Variants in RTL1 observed in about 807,000 individuals in gnomAD.
The protein encoded by RTL1 is retrotransposon-like protein 1.
For missense variants in RTL1, 1,681 were observed against 1,767.5 expected, an observed-to-expected ratio of 0.95 and a Z score of 0.88; for synonymous variants, 727 against 748.4, an observed-to-expected ratio of 0.97 and a Z score of 0.47.
rs1013101517 is a variant in RTL1 at position 100,882,475 on chromosome 14, G to A, written c.2314C>T (p.Arg772Cys). 1.2e-5 allele frequency: 19 copies of A among 1,551,966 alleles called. No individual in the cohort carries two copies. The highest frequency in any genetic ancestry group is 2.0e-5 in the Admixed American group (1 of 50,998). Reference sequence around the variant, plus strand: ...AAGCCCAGGAATTCCACGGTTTGGCGGTGGAACTGGCTCTTGTCCAGGGAG... The same window carrying A: ...AAGCCCAGGAATTCCACGGTTTGGCAGTGGAACTGGCTCTTGTCCAGGGAG... ...YCSLDKSQFH[R>C]QTVEFLGFVV... The change falls in exon 4 of 4, where the codon CGC becomes TGC. Residue 772 changes from arginine to cysteine, a missense_variant. Arg to Cys is a radical substitution (Grantham distance 180, BLOSUM62 -3). Transcript: ENST00000649591.
chr14:100,894,309 C>CAAAAAAAAAAAAAA (rs562868034), intron 2 of RTL1, among the ~76,000 whole-genome samples: 7 of 72,468 alleles, frequency 9.7e-5, no homozygotes, highest in African/African-American at 2.5e-4. Context: ...AACTCCGTCT[C>CAAAAAAAAAAAAAA]AAAAAAAAAA....
chr14:100,881,799 C>T lies in RTL1; in HGVS notation c.2990G>A (p.Arg997Lys), dbSNP rs1452082937. ...GAAGGCTCTCCTCCACCGGAGGTTT[C>T]TCACAGGTGGCAGAGCTCGGCCGCC... is the stretch of plus-strand genomic sequence containing the variant. ...QDGGRALPPVRNLRWRRAFQR... is the reference protein window; with the variant it reads ...QDGGRALPPVKNLRWRRAFQR... Residue 997 changes from arginine to lysine, a missense_variant, in exon 4 of 4, where the codon AGA becomes AAA. Transcript: ENST00000649591. This position sits in a 1 kb window ranked among gnomAD's most constrained non-coding sequence, Gnocchi z 6.6. 3 of 1,614,026 alleles carry T rather than the reference C, an allele frequency of 1.9e-6. No individual in the cohort carries two copies. The Admixed American group carries it at 5.0e-5, about 27-fold the overall frequency.
Position 100,893,372 on chromosome 14 carries a change from T to C in RTL1, c.-87+72A>G, listed in dbSNP as rs1354249950. On this transcript the variant is annotated intron_variant, in intron 3 of 3. Transcript: ENST00000649591. This position sits in a 1 kb window ranked among gnomAD's most constrained non-coding sequence, Gnocchi z 4.2. Reference sequence around the variant, plus strand: ...CTGAGTGCCAGGCCATCCCATTCACTGCCCCACCTCCCCTGCCTGCCCACC... The same window carrying C: ...CTGAGTGCCAGGCCATCCCATTCACCGCCCCACCTCCCCTGCCTGCCCACC... Among the ~76,000 whole-genome samples, 1 of 152,084 alleles carries C rather than the reference T, an allele frequency of 6.6e-6. No homozygotes were observed. Among genetic ancestry groups the C allele is most frequent in the Non-Finnish European group, 1.5e-5 (1 of 68,020 alleles).
At chr14:100,886,870 A>G (rs956116984) in intron 3 of RTL1, among the ~76,000 whole-genome samples, 1 of 152,198 alleles carries the variant, frequency 6.6e-6, no homozygotes, top group Non-Finnish European at 1.5e-5. Flanking sequence ...AAACTAGATT[A>G]TGCCCCCTCT....
rs2140034121 is a variant in RTL1 at position 100,881,622 on chromosome 14, A to G, written c.3167T>C (p.Ile1056Thr). Residue 1056 changes from isoleucine to threonine, a missense_variant, in exon 4 of 4, where the codon ATC (isoleucine) becomes ACC (threonine). Physicochemically the swap from Ile to Thr is moderately conservative, Grantham distance 89 (BLOSUM62 -1). Transcript: ENST00000649591. This position sits in a 1 kb window ranked among gnomAD's most constrained non-coding sequence, Gnocchi z 6.6. ...GAGGAAGCTGTTGAGGATCTGGTCG[A>G]TGGGTATCATGGCCAGCAGCTCTTG... ...LRQELLAMIP[I>T]DQILNSFLAH... 1.3e-6 allele frequency: 2 copies of G among 1,551,802 alleles called. No individual in the cohort carries two copies. Among genetic ancestry groups the G allele is most frequent in the Non-Finnish European group, 8.7e-7 (1 of 1,147,050 alleles).
intron 2 of RTL1, among the ~76,000 whole-genome samples, chr14:100,898,683 C>T (rs979863224): frequency 2.0e-5 from 3 of 152,244 alleles, no homozygotes; most frequent in South Asian, 2.1e-4. Flanking sequence ...TTTCTCTCAG[C>T]GGGCTCCCTA....
intron 2 of RTL1, among the ~76,000 whole-genome samples, chr14:100,902,608 T>TAGCAGC (rs34441254): frequency 0.01 from 1,536 of 151,792 alleles, 26 homozygotes; most frequent in African/African-American, 0.035. Context: ...AGCCCTGCAG[T>TAGCAGC]AGCAGCAGCA....
chr14:100,898,064 A>C, intron 2 of RTL1: 1 of 437,338 alleles, frequency 2.3e-6, no homozygotes, highest in Non-Finnish European at 4.8e-6. Flanking sequence ...GTATGTATGC[A>C]CCATTGTTGA....
rs767143412 is a variant in RTL1, at chr14:100,884,768, G to A, written c.21C>T (p.Asp7=). ...TATGCTCCATCATCGTCTCAAATGA[G>A]TCTTCAGAGGGTTCTATCATTTCGT... is the stretch of plus-strand genomic sequence containing the variant. MIEPSE[D]SFETMMEHKN... Residue 7 remains aspartate (D), a synonymous_variant, in exon 4 of 4, where the codon GAC becomes GAT. Coordinates refer to ENST00000649591, the MANE Select transcript of RTL1 (RefSeq NM_001134888.3). 8 of 1,577,780 alleles carry A rather than the reference G, an allele frequency of 5.1e-6. No homozygotes were observed. The highest frequency in any genetic ancestry group is 6.9e-6 in the Non-Finnish European group (8 of 1,162,298).
intron 2 of RTL1, among the ~76,000 whole-genome samples, chr14:100,896,062 C>A (rs2038850972): frequency 6.7e-6 from 1 of 149,646 alleles, no homozygotes; most frequent in African/African-American, 2.5e-5. Context: ...GACAGCAAGA[C>A]TCCGTCTCAA....
Position 100,881,354 on chromosome 14 carries a change from C to T in RTL1, c.3435G>A (p.Leu1145=), listed in dbSNP as rs963469004. Reference sequence around the variant, plus strand: ...CTACGAGAGCGGGCATCTGGGTGAGCAGCTGGGTGATGGCTGTCGTGATGC... The same window carrying T: ...CTACGAGAGCGGGCATCTGGGTGAGTAGCTGGGTGATGGCTGTCGTGATGC... ...GSSITTAITQ[L]LTQMPALVGA... The change falls in exon 4 of 4, where the codon CTG becomes CTA. Residue 1145 remains leucine (L), a synonymous_variant. Transcript: ENST00000649591. This position sits in a 1 kb window ranked among gnomAD's most constrained non-coding sequence, Gnocchi z 6.6. 7 of 1,550,622 alleles carry T rather than the reference C, an allele frequency of 4.5e-6. No individual in the cohort carries two copies. Among genetic ancestry groups the T allele is most frequent in the Non-Finnish European group, 5.2e-6 (6 of 1,146,978 alleles).
rs564660760 is a variant in RTL1 at position 100,901,311 on chromosome 14, G to A, written c.-149+1980C>T. 1.9e-4 allele frequency among the ~76,000 whole-genome samples: 29 copies of A among 152,322 alleles called. No individual in the cohort carries two copies. In the South Asian group the frequency reaches 3.3e-3, roughly 17 times the overall value. On this transcript the variant is annotated intron_variant, in intron 2 of 3. Coordinates refer to ENST00000649591, the MANE Select transcript of RTL1 (RefSeq NM_001134888.3). Reference sequence around the variant, plus strand: ...CACACACGCACACGCACAGACATGCGCGCACACACACATGCTGAGTGCCTG... The same window carrying A: ...CACACACGCACACGCACAGACATGCACGCACACACACATGCTGAGTGCCTG...
rs1029284278 is a variant in RTL1 at position 100,880,337 on chromosome 14, G to A, written c.*375C>T. ...ATCACCAGGCCGGGTGGGGGGCCCC[G>A]TCACCTGCTTGCTTGGCTGCGCCTG... is the stretch of plus-strand genomic sequence containing the variant. On this transcript the variant is annotated 3_prime_UTR_variant, in exon 4 of 4. Transcript: ENST00000649591. Among the ~76,000 whole-genome samples, 56 of 152,216 alleles carry A rather than the reference G, an allele frequency of 3.7e-4. No homozygotes were observed. The highest frequency in any genetic ancestry group is 1.9e-4 in the East Asian group (1 of 5,146).
intron 3 of RTL1, among the ~76,000 whole-genome samples, chr14:100,889,995 G>T (rs545643213): frequency 2.7e-5 from 4 of 149,366 alleles, no homozygotes; most frequent in Non-Finnish European, 5.9e-5. Flanking sequence ...TTCAGCTGTG[G>T]CTCAATACAT....
In RTL1 at chr14:100,882,545, G is replaced by A; in HGVS notation, c.2244C>T (p.His748=). ...GGAAGCGGACCAGGACTTGGCGGAC[G>A]TGGTGGAGGTGCTCCTCCTGACTCA... ...YSMSQEEHLH[H]VRQVLVRFRH... The change falls in exon 4 of 4, where the codon CAC becomes CAT. Residue 748 remains histidine, a synonymous_variant. Coordinates refer to ENST00000649591, the MANE Select transcript of RTL1 (RefSeq NM_001134888.3). The A allele has an allele frequency of 6.4e-7, 1 of 1,551,842 alleles. No individual in the cohort carries two copies. The highest frequency in any genetic ancestry group is 2.4e-5 in the East Asian group (1 of 40,908).
intron 3 of RTL1, among the ~76,000 whole-genome samples, chr14:100,890,182 A>G (rs546990919): frequency 1.1e-4 from 16 of 151,030 alleles, no homozygotes; most frequent in African/African-American, 3.9e-4. Context: ...CACTCAAGAG[A>G]CAGACGCCCC....
intron 2 of RTL1, among the ~76,000 whole-genome samples, chr14:100,900,951 A>G (rs777879681): frequency 5.3e-5 from 8 of 152,148 alleles, no homozygotes; most frequent in Non-Finnish European, 1.0e-4. Context: ...CCGAGAAACA[A>G]ACAGTTTTTC....
At chr14:100,898,545 G>T (rs2038899926) in intron 2 of RTL1, among the ~76,000 whole-genome samples, 1 of 152,188 alleles carries the variant, frequency 6.6e-6, no homozygotes, top group Admixed American at 6.5e-5. Flanking sequence ...TCCGGGACGG[G>T]GTCCAAAAAA....
Position 100,884,562 on chromosome 14 carries a change from T to C in RTL1, c.227A>G (p.Asp76Gly), listed in dbSNP as rs1272113728. Residue 76 changes from aspartate to glycine, a missense_variant, in exon 4 of 4, where the codon GAC (aspartate) becomes GGC (glycine). Transcript: ENST00000649591. ...MEELPTDLLQ[D>G]MEEPSSGPRK... ...TGGGCCACTGGATGGCTCCTCCATG[T>C]CTTGGAGTAGATCAGTGGGCAGCTC... is the stretch of plus-strand genomic sequence containing the variant. The C allele has an allele frequency of 2.5e-6, 4 of 1,613,018 alleles. No individual in the cohort carries two copies. The Admixed American group carries it at 5.0e-5, about 20-fold the overall frequency.
Sources: allele counts gnomAD v4.1 joint callset (sites outside exome capture counted in the v4.1 genomes callset), GRCh38; gene constraint gnomAD v4.1.1; non-coding constraint Gnocchi (gnomAD v3.1); transcripts MANE v1.5; gene names NCBI Gene and HGNC (gene_info 2026-07-23, HGNC 2026-07-21).